Variants in OS9 observed in about 807,000 individuals in gnomAD.
OS9 encodes the protein protein OS-9.
OS9 carries 58 observed loss-of-function variants against 84.7 expected under a neutral mutation model. The ratio of observed to expected loss-of-function variants is 0.68; its 90% CI spans 0.55 to 0.85. The LOEUF is 0.85. Ranked by LOEUF, OS9 falls within the 40% of genes least tolerant of loss-of-function variation. The probability of loss-of-function intolerance (pLI) is 0.00; values close to 1 mark genes in which losing one functional copy is unlikely to be tolerated. For missense variants in OS9, 760 were observed against 850.9 expected (o/e 0.89, Z 1.33); for synonymous variants, 278 against 320.8 (o/e 0.87, Z 1.43).
rs1954499338 is a variant in OS9 at position 57,716,430 on chromosome 12, A to G, written c.911A>G (p.Asp304Gly). ...QKMAGASPTK[D>G]DSKDSDFWKM... is the part of the protein sequence containing the mutation. The stretch of plus-strand genomic sequence containing the variant: ...ACCCTAGGTGCGAGCCCGACCAAGG[A>G]TGACAGTAAGGACTCAGATTTCTGG... Residue 304 changes from aspartate to glycine, a missense_variant, in exon 8 of 15, where the codon GAT becomes GGT. Asp to Gly is a moderately conservative substitution (Grantham distance 94). Transcript: ENST00000315970. 6.4e-7 allele frequency: 1 copy of G among 1,561,200 alleles called. No homozygotes were observed.
chr12:57,704,929 T>C (rs1595043549), intron 5 of OS9, among the ~76,000 whole-genome samples: 1 of 152,350 alleles, frequency 6.6e-6, no homozygotes, highest in South Asian at 2.1e-4. Flanking sequence ...TAAAAATTTA[T>C]CTTAATGTAT....
At chr12:57,720,648 C>A in intron 14 of OS9, 130 bp downstream of exon 14, 1 of 1,294,608 alleles carries the variant, frequency 7.7e-7, no homozygotes, top group Non-Finnish European at 1.1e-6. Flanking sequence ...TCCAGTGGCT[C>A]AGAGTGCTGC....
chr12:57,716,442 A>G lies in OS9; in HGVS notation c.923A>G (p.Asp308Gly), dbSNP rs1565780145. Reference sequence around the variant, plus strand: ...AGCCCGACCAAGGATGACAGTAAGGACTCAGATTTCTGGAAGATGCTTAAT... The same window carrying G: ...AGCCCGACCAAGGATGACAGTAAGGGCTCAGATTTCTGGAAGATGCTTAAT... Reference protein sequence around the residue: ...GASPTKDDSKDSDFWKMLNEP... With the variant: ...GASPTKDDSKGSDFWKMLNEP... The change falls in exon 8 of 15, where the codon GAC becomes GGC. Residue 308 changes from aspartate to glycine, a missense_variant. Transcript: ENST00000315970. 6.4e-7 allele frequency: 1 copy of G among 1,566,094 alleles called. No individual in the cohort carries two copies. The highest frequency in any genetic ancestry group is 8.7e-7 in the Non-Finnish European group (1 of 1,154,480).
intron 5 of OS9, 33 bp from the exon 6 acceptor site, chr12:57,715,727 G>A (rs761684557): frequency 3.0e-5 from 44 of 1,466,786 alleles, no homozygotes; most frequent in South Asian, 1.7e-4. Flanking sequence ...TATTGTTGGT[G>A]ATTAAGTGTA....
chr12:57,695,754 CT>C (rs1177860249), intron 2 of OS9, 25 bp from the exon 3 acceptor site: 4 of 1,525,850 alleles, frequency 2.6e-6, no homozygotes, highest in Non-Finnish European at 3.6e-6. Context: ...CTCCATCCCC[CT>C]GATTGTTTAT....
chr12:57,695,383 T>C (rs923914431), intron 2 of OS9: 6 of 407,320 alleles, frequency 1.5e-5, no homozygotes, highest in Non-Finnish European at 2.8e-5. Flanking sequence ...TGTTCACAGT[T>C]GTATTCCCAG....
chr12:57,695,715 G>T (rs2140284993), intron 2 of OS9, 65 bp from the exon 3 acceptor site: 1 of 987,634 alleles, frequency 1.0e-6, no homozygotes, highest in East Asian at 2.4e-5. Flanking sequence ...GGAGCCAGGA[G>T]ACTCTGGTTC....
At chr12:57,711,654 T>G (rs1954338652) in intron 5 of OS9, among the ~76,000 whole-genome samples, 2 of 152,220 alleles carry the variant, frequency 1.3e-5, no homozygotes, top group Admixed American at 1.3e-4. Context: ...CCTTTTTTGT[T>G]TTTATAGCTG....
chr12:57,715,898 G>A lies in OS9; in HGVS notation c.718G>A (p.Ala240Thr), dbSNP rs774274126. ...TCTCCTCCGGCCCCCACCCAGTGCT[G>A]CACCGCAGGCCATCCTCTGTCACCC... is the stretch of plus-strand genomic sequence containing the variant. The part of the protein sequence containing the change: ...HPLLRPPPSA[A>T]PQAILCHPSL... Residue 240 changes from alanine to threonine, a missense_variant, in exon 6 of 15, where the codon GCA (alanine) becomes ACA (threonine). Ala to Thr is a moderately conservative substitution (Grantham distance 58). Coordinates refer to ENST00000315970, the MANE Select transcript of OS9 (RefSeq NM_006812.4). The A allele has an allele frequency of 1.2e-6, 2 of 1,613,256 alleles. No individual in the cohort carries two copies. The highest frequency in any genetic ancestry group is 1.7e-5 in the Admixed American group (1 of 59,890).
intron 4 of OS9, 29 bp downstream of exon 4, chr12:57,696,067 AG>A: frequency 6.5e-7 from 1 of 1,547,488 alleles, no homozygotes; most frequent in South Asian, 1.1e-5. Context: ...TCAGGAAGAA[AG>A]GGTTCTGGCC....
intron 10 of OS9, 82 bp downstream of exon 10, chr12:57,718,040 C>G: frequency 6.6e-7 from 1 of 1,511,272 alleles, no homozygotes; most frequent in Non-Finnish European, 9.1e-7. Context: ...TGGGACTCAA[C>G]TCCTGGGTCC....
In OS9 at chr12:57,716,731, T is replaced by A; in HGVS notation, c.1032T>A (p.Ser344=). ...GCCCTGAGGCAGCAGATTCAGCTTC[T>A]GGTGCTCCCAATGGTGAGTGAACCT... ...DPSPEAADSA[S]GAPNDFQNNV... The change falls in exon 9 of 15, where the codon TCT becomes TCA. Residue 344 remains serine, a synonymous_variant. Transcript: ENST00000315970. The A allele has an allele frequency of 1.9e-6, 3 of 1,613,974 alleles. No homozygotes were observed. Among genetic ancestry groups the A allele is most frequent in the Non-Finnish European group, 2.5e-6 (3 of 1,179,822 alleles).
intron 5 of OS9, among the ~76,000 whole-genome samples, chr12:57,700,868 T>C (rs760138950): frequency 3.9e-5 from 6 of 152,064 alleles, no homozygotes; most frequent in Non-Finnish European, 7.4e-5. Context: ...TCAATTCTTA[T>C]AAAGTAAGAT....
At chr12:57,718,531 C>A in intron 11 of OS9, 110 bp downstream of exon 11, 1 of 1,161,422 alleles carries the variant, frequency 8.6e-7, no homozygotes, top group Non-Finnish European at 1.2e-6. Flanking sequence ...AAGGACGGGG[C>A]ACTTGGAAGT....
At position 57,715,833 on chromosome 12, in the gene OS9, A is replaced by T; in HGVS notation, c.653A>T (p.Tyr218Phe). ...DRVDEPLSCS[Y>F]VLTIRTPRLC... is the part of the protein sequence containing the mutation. ...GTGGACGAGCCCTTGTCCTGCTCTT[A>T]TGTGCTGACCATTCGCACTCCTCGG... The change falls in exon 6 of 15, where the codon TAT becomes TTT. Residue 218 changes from tyrosine to phenylalanine, a missense_variant. By Grantham distance (22) the Tyr-to-Phe change is conservative. Coordinates refer to ENST00000315970, the MANE Select transcript of OS9 (RefSeq NM_006812.4). 3 of 1,613,828 alleles carry T rather than the reference A, an allele frequency of 1.9e-6. No individual in the cohort carries two copies. The highest frequency in any genetic ancestry group is 2.5e-6 in the Non-Finnish European group (3 of 1,179,930).
intron 12 of OS9, chr12:57,719,857 T>C (rs1954621035): frequency 2.2e-6 from 1 of 445,726 alleles, no homozygotes; most frequent in Admixed American, 3.9e-5. Context: ...TGTTTTCCTA[T>C]AGGTGACGGG....
intron 5 of OS9, among the ~76,000 whole-genome samples, chr12:57,713,633 T>A (rs988505093): frequency 3.3e-5 from 5 of 151,884 alleles, no homozygotes; most frequent in Non-Finnish European, 5.9e-5. Flanking sequence ...AAATACCATA[T>A]ATCATATCTC....
In OS9 at chr12:57,718,203, A is replaced by G; in HGVS notation, c.1192A>G (p.Arg398Gly). 2 of 1,614,178 alleles carry G rather than the reference A, an allele frequency of 1.2e-6. No homozygotes were observed. Among genetic ancestry groups the G allele is most frequent in the African/African-American group, 1.3e-5 (1 of 75,034 alleles). ...PVDDAAEVPQ[R>G]EPEKERGDPE... ...GGATGATGCTGCAGAAGTCCCTCAG[A>G]GGGAACCAGAGAAGGAAAGGGGTGA... The change falls in exon 11 of 15, where the codon AGG becomes GGG. Residue 398 changes from arginine to glycine, a missense_variant. Physicochemically the swap from Arg to Gly is moderately radical, Grantham distance 125. Transcript: ENST00000315970.
At chr12:57,716,961 A>G (rs1954519067) in intron 9 of OS9, among the ~76,000 whole-genome samples, 2 of 152,196 alleles carry the variant, frequency 1.3e-5, no homozygotes, top group African/African-American at 4.8e-5. Flanking sequence ...TAATTCACTT[A>G]ACCTCAATTT....
Sources: gnomAD v4.1 joint callset for allele counts (sites outside exome capture counted in the v4.1 genomes callset) on GRCh38, gnomAD v4.1.1 for gene constraint, MANE v1.5 for transcripts, NCBI Gene and HGNC (gene_info 2026-07-23, HGNC 2026-07-21) for gene names.